FOXB1: variants seen among roughly 807,000 people sequenced by gnomAD.
The protein encoded by FOXB1 is forkhead box B1.
FOXB1 carries 6 observed loss-of-function variants against 18.6 expected under a neutral mutation model. That is an observed-to-expected ratio of 0.32 (90% CI 0.18 to 0.64). FOXB1 has a LOEUF of 0.64. Ranked by LOEUF, FOXB1 falls within the 30% of genes least tolerant of loss-of-function variation. The pLI is 0.78. For missense variants in FOXB1, 419 were observed against 463.6 expected, an observed-to-expected ratio of 0.90 and a Z score of 0.88; for synonymous variants, 213 against 216.0, an observed-to-expected ratio of 0.99 and a Z score of 0.12.
Position 60,005,957 on chromosome 15 carries a change from G to A in FOXB1, c.*16G>A. On this transcript the variant is annotated 3_prime_UTR_variant, in exon 2 of 2. Transcript: ENST00000396057. This position sits in a 1 kb window ranked among gnomAD's most constrained non-coding sequence, Gnocchi z 9.8. Reference sequence around the variant, plus strand: ...GGTGCACTGACCCGCAGGAGCCCACGCCCCCTCTCGTTCTCCTCCCCACCA... The same window carrying A: ...GGTGCACTGACCCGCAGGAGCCCACACCCCCTCTCGTTCTCCTCCCCACCA... The A allele has an allele frequency of 6.4e-7, 1 of 1,561,950 alleles. No individual in the cohort carries two copies. Among genetic ancestry groups the A allele is most frequent in the Non-Finnish European group, 8.6e-7 (1 of 1,159,430 alleles).
In FOXB1 at chr15:60,005,927, G is replaced by C. The variant is rs1487990354; in HGVS notation, c.964G>C (p.Val322Leu). 6.9e-6 allele frequency: 11 copies of C among 1,588,184 alleles called. No homozygotes were observed. The East Asian group carries it at 2.3e-4, about 33-fold the overall frequency. Residue 322 changes from valine to leucine, a missense_variant, in exon 2 of 2, where the codon GTG (valine) becomes CTG (leucine). Around this residue, in one of 3 missense-constraint regions of FOXB1, gnomAD observed 195 missense variants for 179.8 expected, o/e 1.08. Transcript: ENST00000396057. This position sits in a 1 kb window ranked among gnomAD's most constrained non-coding sequence, Gnocchi z 9.8. ...LTSPASALHS[V>L]AVH ...CAGCCCGGCCTCCGCCTTGCACTCG[G>C]TGGCGGTGCACTGACCCGCAGGAGC...
chr15:60,005,484 A>T lies in FOXB1; in HGVS notation c.521A>T (p.Asn174Ile), dbSNP rs1892081926. 6.2e-7 allele frequency: 1 copy of T among 1,611,942 alleles called. No homozygotes were observed. The highest frequency in any genetic ancestry group is 8.5e-7 in the Non-Finnish European group (1 of 1,179,676). ...TTCAAGCACCCCTTCGCCATCGAGA[A>T]CATCATCGCGCGGGAATACAAGATG... ...SGFKHPFAIE[N>I]IIAREYKMPG... The change falls in exon 2 of 2, where the codon AAC (asparagine) becomes ATC (isoleucine). Residue 174 changes from asparagine (N) to isoleucine (I), a missense_variant. Asn to Ile is a moderately radical substitution (Grantham distance 149, BLOSUM62 -3). Transcript: ENST00000396057. The surrounding 1 kb of genome is among the most constrained non-coding windows in gnomAD (Gnocchi z 9.8).
rs1892076364 is a variant in FOXB1, at chr15:60,005,097, A to T, written c.134A>T (p.Asp45Val). 6.2e-7 allele frequency: 1 copy of T among 1,613,988 alleles called. No homozygotes were observed. Among genetic ancestry groups the T allele is most frequent in the South Asian group, 1.1e-5 (1 of 91,074 alleles). ...AGCGAGATCTACAAGTTCATCATGGACCGCTTCCCCTACTACAGGGAGAAC... is the reference window on the plus strand; with the variant it reads ...AGCGAGATCTACAAGTTCATCATGGTCCGCTTCCCCTACTACAGGGAGAAC... ...PLSEIYKFIM[D>V]RFPYYRENTQ... The change falls in exon 2 of 2, where the codon GAC becomes GTC. Residue 45 changes from aspartate (D) to valine (V), a missense_variant. Physicochemically the swap from Asp to Val is radical, Grantham distance 152. Transcript: ENST00000396057. The surrounding 1 kb of genome is among the most constrained non-coding windows in gnomAD (Gnocchi z 9.8).
Position 60,005,844 on chromosome 15 carries a change from C to CG in FOXB1, c.882dup (p.Ser295ValfsTer66). 1 of 1,602,886 alleles carries CG rather than the reference C, an allele frequency of 6.2e-7. No individual in the cohort carries two copies. Among genetic ancestry groups the CG allele is most frequent in the East Asian group, 2.3e-5 (1 of 44,252 alleles). ...AACTCGCCGCCCTCGCTCAGCCCCA[C>CG]GTCCTCGCAAACAGCCACCAGCCAA... On this transcript the variant is annotated frameshift_variant, in exon 2 of 2. Coordinates refer to ENST00000396057, the MANE Select transcript of FOXB1 (RefSeq NM_012182.3). LOFTEE classifies it high-confidence loss of function. The surrounding 1 kb of genome is among the most constrained non-coding windows in gnomAD (Gnocchi z 9.8).
At position 60,004,935 on chromosome 15, in the gene FOXB1, C is replaced by T. The variant is rs774155308; in HGVS notation, c.-29C>T. On this transcript the variant is annotated 5_prime_UTR_variant, in exon 2 of 2. Coordinates refer to ENST00000396057, the MANE Select transcript of FOXB1 (RefSeq NM_012182.3). Reference sequence around the variant, plus strand: ...CGAGCAGTCCGCCGGCCCGCGCGGACCCAGAGCAAGAAGAGGGCGAGGAAG... The same window carrying T: ...CGAGCAGTCCGCCGGCCCGCGCGGATCCAGAGCAAGAAGAGGGCGAGGAAG... The T allele has an allele frequency of 6.3e-7, 1 of 1,593,306 alleles. No homozygotes were observed.
At position 60,005,572 on chromosome 15, in the gene FOXB1, G is replaced by A; in HGVS notation, c.609G>A (p.Gln203=). Residue 203 remains glutamine, a synonymous_variant, in exon 2 of 2, where the codon CAG becomes CAA. Transcript: ENST00000396057. This position sits in a 1 kb window ranked among gnomAD's most constrained non-coding sequence, Gnocchi z 9.8. ...PVPAAYPLPN[Q]LTTMGSSLGT... ...CCGCTGCCTACCCGCTCCCCAACCA[G>A]TTGACTACCATGGGCAGCTCGCTGG... The A allele has an allele frequency of 6.2e-7, 1 of 1,609,448 alleles. No individual in the cohort carries two copies. The highest frequency in any genetic ancestry group is 8.5e-7 in the Non-Finnish European group (1 of 1,178,660).
In FOXB1 at chr15:60,005,619, A is replaced by C; in HGVS notation, c.656A>C (p.Tyr219Ser). Residue 219 changes from tyrosine to serine, a missense_variant, in exon 2 of 2, where the codon TAT becomes TCT. By Grantham distance (144) the Tyr-to-Ser change is moderately radical. Around this residue, in one of 3 missense-constraint regions of FOXB1, gnomAD observed 195 missense variants for 179.8 expected, o/e 1.08. Transcript: ENST00000396057. This position sits in a 1 kb window ranked among gnomAD's most constrained non-coding sequence, Gnocchi z 9.8. ...SSLGTGWPHV[Y>S]GSAGMIDSAT... Reference sequence around the variant, plus strand: ...CTGGGCACCGGCTGGCCACACGTGTATGGCTCCGCCGGCATGATCGACTCG... The same window carrying C: ...CTGGGCACCGGCTGGCCACACGTGTCTGGCTCCGCCGGCATGATCGACTCG... 1 of 1,608,484 alleles carries C rather than the reference A, an allele frequency of 6.2e-7. No homozygotes were observed. Among genetic ancestry groups the C allele is most frequent in the Non-Finnish European group, 8.5e-7 (1 of 1,178,418 alleles).
In FOXB1 at chr15:60,005,036, G is replaced by C; in HGVS notation, c.73G>C (p.Ala25Pro). The stretch of plus-strand genomic sequence containing the variant: ...CTCGTACATCTCGCTGACCGCTATG[G>C]CCATCCAGAGCTCTCCCGAGAAGAT... ...PYSYISLTAM[A>P]IQSSPEKMLP... Residue 25 changes from alanine to proline, a missense_variant, in exon 2 of 2, where the codon GCC (alanine) becomes CCC (proline). Ala to Pro is a conservative substitution (Grantham distance 27). Around this residue, in one of 3 missense-constraint regions of FOXB1, gnomAD observed 153 missense variants for 173.8 expected, o/e 0.88. Coordinates refer to ENST00000396057, the MANE Select transcript of FOXB1 (RefSeq NM_012182.3). The surrounding 1 kb of genome is among the most constrained non-coding windows in gnomAD (Gnocchi z 9.8). 1 of 1,614,084 alleles carries C rather than the reference G, an allele frequency of 6.2e-7. No homozygotes were observed. Among genetic ancestry groups the C allele is most frequent in the African/African-American group, 1.3e-5 (1 of 75,006 alleles).
In FOXB1 at chr15:60,004,535, C is replaced by A. The variant is rs1892065691; in HGVS notation, c.-166C>A. 1 of 160,188 alleles carries A rather than the reference C, an allele frequency of 6.2e-6. No individual in the cohort carries two copies. Among genetic ancestry groups the A allele is most frequent in the South Asian group, 1.9e-4 (1 of 5,236 alleles). The allele number at this position is 160,188 out of a possible 1,614,324, so 9.9% of individuals were successfully genotyped here. On this transcript the variant is annotated 5_prime_UTR_variant, in exon 1 of 2. Transcript: ENST00000396057. ...GAGCCCAGGTTCGCGCCGAGTCCAA[C>A]CGGACCCGGACGCTGCGCGCGGAGT... is the stretch of plus-strand genomic sequence containing the variant.
chr15:60,004,654 C>T lies in FOXB1; in HGVS notation c.-58+11C>T, dbSNP rs1892067766. On this transcript the variant is annotated intron_variant, in intron 1 of 1. Coordinates refer to ENST00000396057, the MANE Select transcript of FOXB1 (RefSeq NM_012182.3). ...TGAAGCAACTTTAAGGTGAGCAGCT[C>T]TCTGTTCCGTCCCTGCCCCCTATTC... The T allele has an allele frequency of 1.1e-5, 4 of 360,226 alleles. No homozygotes were observed. The highest frequency in any genetic ancestry group is 2.0e-5 in the Non-Finnish European group (4 of 197,518). 22.3% of individuals were successfully genotyped at this position (360,226 alleles called of 1,614,324 possible).
Position 60,005,470 on chromosome 15 carries a change from C to T in FOXB1, c.507C>T (p.Pro169=), listed in dbSNP as rs770194613. The T allele has an allele frequency of 1.7e-5, 28 of 1,611,856 alleles. No homozygotes were observed. The highest frequency in any genetic ancestry group is 2.3e-5 in the Non-Finnish European group (27 of 1,179,644). The change falls in exon 2 of 2, where the codon CCC becomes CCT. Residue 169 remains proline, a synonymous_variant. Coordinates refer to ENST00000396057, the MANE Select transcript of FOXB1 (RefSeq NM_012182.3). This position sits in a 1 kb window ranked among gnomAD's most constrained non-coding sequence, Gnocchi z 9.8. ...GVAQPSGFKH[P]FAIENIIARE... ...CGCAGCCCTCGGGCTTCAAGCACCC[C>T]TTCGCCATCGAGAACATCATCGCGC...
At position 60,006,886 on chromosome 15, in the gene FOXB1, C is replaced by A. The variant is rs1336671352; in HGVS notation, c.*945C>A. On this transcript the variant is annotated 3_prime_UTR_variant, in exon 2 of 2. Transcript: ENST00000396057. The stretch of plus-strand genomic sequence containing the variant: ...TGTTAACTTTCCGATGACTTAGAGA[C>A]CTTTTTAGCTATTTATTTTATTGTT... 1.4e-5 allele frequency: 2 copies of A among 143,494 alleles called. No individual in the cohort carries two copies. The highest frequency in any genetic ancestry group is 5.3e-5 in the African/African-American group (2 of 37,506). 8.9% of individuals were successfully genotyped at this position (143,494 alleles called of 1,614,324 possible).
chr15:60,006,261 C>T lies in FOXB1; in HGVS notation c.*320C>T, dbSNP rs1892095664. 5.0e-6 allele frequency: 2 copies of T among 403,540 alleles called. No individual in the cohort carries two copies. Among genetic ancestry groups the T allele is most frequent in the Non-Finnish European group, 8.8e-6 (2 of 227,464 alleles). 25.0% of individuals were successfully genotyped at this position (403,540 alleles called of 1,614,324 possible). ...CCGGCGGGGGAAACCCTGTCACCCCCTCTTCGCCGAGAAAAGCGCGTCTTC... is the reference window on the plus strand; with the variant it reads ...CCGGCGGGGGAAACCCTGTCACCCCTTCTTCGCCGAGAAAAGCGCGTCTTC... On this transcript the variant is annotated 3_prime_UTR_variant, in exon 2 of 2. Transcript: ENST00000396057.
In FOXB1 at chr15:60,004,661, C is replaced by T. The variant is rs1892067908; in HGVS notation, c.-58+18C>T. ...ACTTTAAGGTGAGCAGCTCTCTGTTCCGTCCCTGCCCCCTATTCTGGCCCC... is the reference window on the plus strand; with the variant it reads ...ACTTTAAGGTGAGCAGCTCTCTGTTTCGTCCCTGCCCCCTATTCTGGCCCC... On this transcript the variant is annotated intron_variant, in intron 1 of 1. Transcript: ENST00000396057. The T allele has an allele frequency of 5.1e-6, 2 of 392,792 alleles. No individual in the cohort carries two copies. The highest frequency in any genetic ancestry group is 9.2e-6 in the Non-Finnish European group (2 of 216,682). 24.3% of individuals were successfully genotyped at this position (392,792 alleles called of 1,614,324 possible).
rs1397835876 is a variant in FOXB1 at position 60,007,059 on chromosome 15, T to G, written c.*1118T>G. 1 of 152,184 alleles carries G rather than the reference T, an allele frequency of 6.6e-6. No individual in the cohort carries two copies. Among genetic ancestry groups the G allele is most frequent in the Non-Finnish European group, 1.5e-5 (1 of 68,026 alleles). 9.4% of individuals were successfully genotyped at this position (152,184 alleles called of 1,614,324 possible). A position where few individuals can be genotyped will look rare whatever the true frequency, so the allele number is the denominator to read the frequency against. On this transcript the variant is annotated 3_prime_UTR_variant, in exon 2 of 2. Transcript: ENST00000396057. The stretch of plus-strand genomic sequence containing the variant: ...TAGCTCTCCCACGGACAAGTCTTTC[T>G]GTTTGCTACCAGAACTTTTCCAAGA...
In FOXB1 at chr15:60,005,749, C is replaced by A; in HGVS notation, c.786C>A (p.Pro262=). Residue 262 remains proline, a synonymous_variant, in exon 2 of 2, where the codon CCC becomes CCA. Transcript: ENST00000396057. This position sits in a 1 kb window ranked among gnomAD's most constrained non-coding sequence, Gnocchi z 9.8. The part of the protein sequence containing the change: ...AGQTLPAIPV[P]IKPTPAAVPA... ...AAACGCTGCCCGCCATCCCCGTGCC[C>A]ATTAAGCCCACGCCGGCCGCCGTGC... The A allele has an allele frequency of 6.2e-7, 1 of 1,602,444 alleles. No individual in the cohort carries two copies. The highest frequency in any genetic ancestry group is 8.5e-7 in the Non-Finnish European group (1 of 1,177,888).
chr15:60,005,761 G>A lies in FOXB1; in HGVS notation c.798G>A (p.Thr266=), dbSNP rs567615701. The stretch of plus-strand genomic sequence containing the variant: ...CCATCCCCGTGCCCATTAAGCCCAC[G>A]CCGGCCGCCGTGCCCGCGCTGCCTG... The part of the protein sequence containing the change: ...LPAIPVPIKP[T]PAAVPALPAL... The change falls in exon 2 of 2, where the codon ACG becomes ACA. Residue 266 remains threonine, a synonymous_variant. Coordinates refer to ENST00000396057, the MANE Select transcript of FOXB1 (RefSeq NM_012182.3). This position sits in a 1 kb window ranked among gnomAD's most constrained non-coding sequence, Gnocchi z 9.8. The A allele has an allele frequency of 1.1e-5, 17 of 1,599,688 alleles. No individual in the cohort carries two copies. The highest frequency in any genetic ancestry group is 1.4e-5 in the Non-Finnish European group (17 of 1,176,562).
At position 60,005,604 on chromosome 15, in the gene FOXB1, G is replaced by A. The variant is rs140103980; in HGVS notation, c.641G>A (p.Gly214Asp). Residue 214 changes from glycine (G) to aspartate (D), a missense_variant, in exon 2 of 2, where the codon GGC becomes GAC. This residue lies in a region of FOXB1 where 195 missense variants were observed against 179.8 expected (regional missense o/e 1.08). Coordinates refer to ENST00000396057, the MANE Select transcript of FOXB1 (RefSeq NM_012182.3). This position sits in a 1 kb window ranked among gnomAD's most constrained non-coding sequence, Gnocchi z 9.8. ...ACCATGGGCAGCTCGCTGGGCACCG[G>A]CTGGCCACACGTGTATGGCTCCGCC... ...LTTMGSSLGTGWPHVYGSAGM... is the reference protein window; with the variant it reads ...LTTMGSSLGTDWPHVYGSAGM... 6.2e-6 allele frequency: 10 copies of A among 1,606,222 alleles called. No individual in the cohort carries two copies. Among genetic ancestry groups the A allele is most frequent in the African/African-American group, 2.7e-5 (2 of 74,824 alleles).
In FOXB1 at chr15:60,006,252, T is replaced by C. The variant is rs1380857561; in HGVS notation, c.*311T>C. The C allele has an allele frequency of 2.4e-6, 1 of 412,354 alleles. No individual in the cohort carries two copies. Among genetic ancestry groups the C allele is most frequent in the South Asian group, 5.5e-5 (1 of 18,036 alleles). The allele number at this position is 412,354 out of a possible 1,614,324, so 25.5% of individuals were successfully genotyped here. On this transcript the variant is annotated 3_prime_UTR_variant, in exon 2 of 2. Coordinates refer to ENST00000396057, the MANE Select transcript of FOXB1 (RefSeq NM_012182.3). ...CCTATTTGACCGGCGGGGGAAACCC[T>C]GTCACCCCCTCTTCGCCGAGAAAAG...
Sources: gnomAD v4.1 joint callset for allele counts on GRCh38, gnomAD v4.1.1 for gene constraint, gnomAD v4.1.1 regional missense constraint, Gnocchi (gnomAD v3.1) non-coding constraint, MANE v1.5 for transcripts, NCBI Gene and HGNC (gene_info 2026-07-23, HGNC 2026-07-21) for gene names.